Variants in MKX observed in about 807,000 individuals in gnomAD.
MKX encodes the protein homeobox protein Mohawk.
A neutral mutation model predicts 36.0 loss-of-function variants in MKX; 13 were observed. The observed-to-expected ratio is 0.36, with a 90% CI of 0.24 to 0.57. The LOEUF is 0.57. MKX is among the 20% of genes least tolerant of loss of function. The pLI is 0.79. For synonymous variants in MKX, 176 were observed against 178.3 expected (o/e 0.99, Z 0.10); for missense variants, 458 against 456.4 (o/e 1.00, Z -0.03).
In MKX at chr10:27,741,307, C is replaced by T; in HGVS notation, c.348+38G>A. On this transcript the variant is annotated intron_variant, in intron 3 of 6. Transcript: ENST00000419761. The surrounding 1 kb of genome is among the most constrained non-coding windows in gnomAD (Gnocchi z 5.1). ...AGCGTTCCCGCTCTTCAGCCCCTCGCGGGAAAACGGATCAGGGTGTTAATG... is the reference window on the plus strand; with the variant it reads ...AGCGTTCCCGCTCTTCAGCCCCTCGTGGGAAAACGGATCAGGGTGTTAATG... 2.5e-6 allele frequency: 4 copies of T among 1,606,650 alleles called. No individual in the cohort carries two copies. Among genetic ancestry groups the T allele is most frequent in the Non-Finnish European group, 3.4e-6 (4 of 1,177,522 alleles).
chr10:27,680,756 G>A (rs1836240079), intron 5 of MKX, among the ~76,000 whole-genome samples: 1 of 152,094 alleles, frequency 6.6e-6, no homozygotes, highest in Non-Finnish European at 1.5e-5. Context: ...AATGAGGTGA[G>A]ACTTAGAATT....
intron 5 of MKX, among the ~76,000 whole-genome samples, chr10:27,687,592 G>A (rs1836380415): frequency 6.6e-6 from 1 of 152,152 alleles, no homozygotes; most frequent in Non-Finnish European, 1.5e-5. Flanking sequence ...GGCCAGTGGA[G>A]GTGCAGGAAG....
Position 27,743,271 on chromosome 10 carries a change from G to A in MKX, c.145C>T (p.Pro49Ser), listed in dbSNP as rs759218896. ...ARPEVGIPDGPPLKDNLGLRH... is the reference protein window; with the variant it reads ...ARPEVGIPDGSPLKDNLGLRH... ...AGGCCGAGGTTGTCCTTGAGGGGCG[G>A]GCCGTCGGGAATGCCCACCTCGGGG... The change falls in exon 2 of 7, where the codon CCG becomes TCG. Residue 49 changes from proline to serine, a missense_variant. Pro to Ser is a moderately conservative substitution (Grantham distance 74). Around this residue, in one of 3 missense-constraint regions of MKX, gnomAD observed 149 missense variants for 114.3 expected, o/e 1.30. Transcript: ENST00000419761. The A allele has an allele frequency of 1.7e-5, 26 of 1,549,342 alleles. No individual in the cohort carries two copies. The Admixed American group carries it at 2.7e-4, about 16-fold the overall frequency.
At chr10:27,735,808 G>A (rs1834757358) in intron 3 of MKX, among the ~76,000 whole-genome samples, 1 of 152,130 alleles carries the variant, frequency 6.6e-6, no homozygotes, top group South Asian at 2.1e-4. Flanking sequence ...GAATAGGTCA[G>A]GTCAAGAGGG....
At chr10:27,685,520 C>T (rs1836328498) in intron 5 of MKX, among the ~76,000 whole-genome samples, 1 of 149,886 alleles carries the variant, frequency 6.7e-6, no homozygotes, top group South Asian at 2.1e-4. Flanking sequence ...ACGATCTCGG[C>T]TCACTGCAAG....
intron 5 of MKX, among the ~76,000 whole-genome samples, chr10:27,728,557 T>C (rs542883683): frequency 1.4e-4 from 22 of 152,352 alleles, no homozygotes; most frequent in Middle Eastern, 3.4e-3. Flanking sequence ...CATTTTTGCA[T>C]GTGGAATGAA....
At chr10:27,709,845 C>A (rs1836822227) in intron 5 of MKX, among the ~76,000 whole-genome samples, 1 of 152,054 alleles carries the variant, frequency 6.6e-6, no homozygotes, top group Non-Finnish European at 1.5e-5. Context: ...TACATGCAAA[C>A]CACATAAGTC....
intron 5 of MKX, among the ~76,000 whole-genome samples, chr10:27,688,376 G>C (rs183785188): frequency 1.3e-5 from 2 of 152,364 alleles, no homozygotes; most frequent in East Asian, 3.9e-4. Flanking sequence ...TGGATTAAGT[G>C]TGCAGAATCT....
chr10:27,702,931 G>A (rs1589668963), intron 5 of MKX, among the ~76,000 whole-genome samples: 1 of 152,134 alleles, frequency 6.6e-6, no homozygotes, highest in South Asian at 2.1e-4. Context: ...AAGTTCTGAG[G>A]TACATAAACA....
In MKX at chr10:27,743,293, G is replaced by C. The variant is rs1159239330; in HGVS notation, c.123C>G (p.Pro41=). ...SGVLDSPHAR[P]EVGIPDGPPL... ...GCGGGCCGTCGGGAATGCCCACCTC[G>C]GGGCGGGCGTGAGGACTGTCCAGGA... Residue 41 remains proline, a synonymous_variant, in exon 2 of 7, where the codon CCC becomes CCG. Transcript: ENST00000419761. 2 of 1,552,784 alleles carry C rather than the reference G, an allele frequency of 1.3e-6. No individual in the cohort carries two copies. The highest frequency in any genetic ancestry group is 8.7e-7 in the Non-Finnish European group (1 of 1,156,010).
chr10:27,716,848 G>T (rs1278436171), intron 5 of MKX, among the ~76,000 whole-genome samples: 2 of 152,132 alleles, frequency 1.3e-5, no homozygotes, highest in African/African-American at 4.8e-5. Flanking sequence ...CTGTGAATAT[G>T]TTACGTTCCA....
intron 3 of MKX, among the ~76,000 whole-genome samples, chr10:27,738,630 A>G (rs1177163895): frequency 1.3e-5 from 2 of 152,084 alleles, no homozygotes. Flanking sequence ...GTATCTATCT[A>G]TCTATCTCCC....
At position 27,675,511 on chromosome 10, in the gene MKX, T is replaced by G. The variant is rs774262913; in HGVS notation, c.872+10A>C. On this transcript the variant is annotated intron_variant, in intron 6 of 6. Coordinates refer to ENST00000419761, the MANE Select transcript of MKX (RefSeq NM_173576.3). ...AAAGCAGGAACGGCCAATGGGAACA[T>G]TTTGCTCACCTTTCACCCTTATTGG... 1.3e-5 allele frequency: 21 copies of G among 1,614,156 alleles called. No individual in the cohort carries two copies. In the East Asian group the frequency reaches 4.7e-4, roughly 36 times the overall value.
At chr10:27,677,937 T>C (rs1270225900) in intron 5 of MKX, among the ~76,000 whole-genome samples, 1 of 152,256 alleles carries the variant, frequency 6.6e-6, no homozygotes, top group Admixed American at 6.5e-5. Flanking sequence ...GCCTGGATGC[T>C]TAGCTATACC....
At chr10:27,730,863 G>A (rs1287851027) in intron 5 of MKX, among the ~76,000 whole-genome samples, 12 of 151,740 alleles carry the variant, frequency 7.9e-5, no homozygotes, top group South Asian at 2.1e-4. Context: ...AGCCGGGCGC[G>A]GTGGCTCACG....
chr10:27,677,928 C>G (rs1253471067), intron 5 of MKX, among the ~76,000 whole-genome samples: 2 of 152,166 alleles, frequency 1.3e-5, no homozygotes, highest in East Asian at 3.9e-4. Context: ...ACAGGGTCAG[C>G]CTGGATGCTT....
Position 27,742,487 on chromosome 10 carries a change from G to A in MKX, c.188+741C>T, listed in dbSNP as rs1308523541. 6.6e-6 allele frequency among the ~76,000 whole-genome samples: 1 copy of A among 152,092 alleles called. No individual in the cohort carries two copies. The highest frequency in any genetic ancestry group is 1.5e-5 in the Non-Finnish European group (1 of 67,988). ...CGCAGAACAAGCAGCTGATGCAATC[G>A]TTCAGGTGGAGGCGGCTAGGACGGC... On this transcript the variant is annotated intron_variant, in intron 2 of 6. Transcript: ENST00000419761. This position sits in a 1 kb window ranked among gnomAD's most constrained non-coding sequence, Gnocchi z 4.2.
rs559962425 is a variant in MKX, at chr10:27,732,072, A to G, written c.838+2384T>C. ...CCACAATTTTGAATTGTTTTTCAAT[A>G]TTACATTATAAATATTTCTCAAGTA... is the stretch of plus-strand genomic sequence containing the variant. On this transcript the variant is annotated intron_variant, in intron 5 of 6. Coordinates refer to ENST00000419761, the MANE Select transcript of MKX (RefSeq NM_173576.3). Among the ~76,000 whole-genome samples, 14 of 152,328 alleles carry G rather than the reference A, an allele frequency of 9.2e-5. No homozygotes were observed. In the South Asian group the frequency reaches 2.9e-3, roughly 32 times the overall value.
Position 27,741,819 on chromosome 10 carries a change from G to A in MKX, c.189-315C>T, listed in dbSNP as rs1026722738. On this transcript the variant is annotated intron_variant, in intron 2 of 6. Coordinates refer to ENST00000419761, the MANE Select transcript of MKX (RefSeq NM_173576.3). This position sits in a 1 kb window ranked among gnomAD's most constrained non-coding sequence, Gnocchi z 5.1. The stretch of plus-strand genomic sequence containing the variant: ...TATTCCAGTCGCGTATCTGGGCAGC[G>A]GGGCTAACTGCTACCCTTCCCTCAC... 3.3e-5 allele frequency among the ~76,000 whole-genome samples: 5 copies of A among 152,230 alleles called. No homozygotes were observed. The highest frequency in any genetic ancestry group is 1.2e-4 in the African/African-American group (5 of 41,468).
Sources: allele counts gnomAD v4.1 joint callset (sites outside exome capture counted in the v4.1 genomes callset), GRCh38; gene constraint gnomAD v4.1.1; regional missense constraint gnomAD v4.1.1; non-coding constraint Gnocchi (gnomAD v3.1); transcripts MANE v1.5; gene names NCBI Gene and HGNC (gene_info 2026-07-23, HGNC 2026-07-21).